The following CSMD1 variants were observed in gnomAD, a reference collection of about 807,000 sequenced individuals.
CSMD1 encodes the protein CUB and Sushi multiple domains 1.
Under a neutral mutation model 417.5 loss-of-function variants are expected in CSMD1, and 213 were observed. That is an observed-to-expected ratio of 0.51 (90% CI 0.46 to 0.57). CSMD1 has a LOEUF of 0.57. Ranked by LOEUF, CSMD1 falls within the 20% of genes least tolerant of loss-of-function variation. The probability of loss-of-function intolerance (pLI) is 0.00; values close to 1 mark genes in which losing one functional copy is unlikely to be tolerated. For synonymous variants in CSMD1, 2,862 were observed against 1,736.8 expected (o/e 1.65, Z -16.11); for missense variants, 6,923 against 4,529.7 (o/e 1.53, Z -15.17).
At chr8:4,169,583 A>G (rs1797649688) in intron 3 of CSMD1, among the ~76,000 whole-genome samples, 1 of 152,060 alleles carries the variant, frequency 6.6e-6, no homozygotes, top group Non-Finnish European at 1.5e-5. Context: ...TTCTCAACAC[A>G]GGCATTAGAA....
chr8:4,327,009 G>C (rs570274125), intron 3 of CSMD1, among the ~76,000 whole-genome samples: 2 of 152,096 alleles, frequency 1.3e-5, no homozygotes, highest in African/African-American at 4.8e-5. Context: ...AAAGAATTGG[G>C]AGAACCAGAC....
intron 2 of CSMD1, among the ~76,000 whole-genome samples, chr8:4,534,557 A>G (rs1031912546): frequency 6.6e-6 from 1 of 152,050 alleles, no homozygotes; most frequent in Non-Finnish European, 1.5e-5. Context: ...ATAGTACCCA[A>G]TAGGTAGTTT....
At chr8:4,211,075 C>G (rs1800279839) in intron 3 of CSMD1, among the ~76,000 whole-genome samples, 2 of 152,276 alleles carry the variant, frequency 1.3e-5, no homozygotes, top group Admixed American at 6.5e-5. Flanking sequence ...TTCATGTTCA[C>G]ATATCATTGT....
At chr8:4,791,441 A>G (rs185637314) in intron 1 of CSMD1, among the ~76,000 whole-genome samples, 5 of 152,302 alleles carry the variant, frequency 3.3e-5, no homozygotes, top group Admixed American at 2.6e-4. Context: ...CCCTTGGTCT[A>G]TAAGGTTTGT....
intron 1 of CSMD1, among the ~76,000 whole-genome samples, chr8:4,789,517 T>A (rs1378978081): frequency 6.6e-6 from 1 of 152,172 alleles, no homozygotes; most frequent in Non-Finnish European, 1.5e-5. Context: ...CTCACCTATA[T>A]AATTTTACTG....
chr8:3,981,373 A>G (rs1053738071), intron 5 of CSMD1, among the ~76,000 whole-genome samples: 9 of 152,144 alleles, frequency 5.9e-5, no homozygotes, highest in African/African-American at 1.7e-4. Flanking sequence ...GAAGGATAAA[A>G]GACAACAAAT....
rs1805073500 is a variant in CSMD1, at chr8:3,865,991, A to T, written c.819-111949T>A. The stretch of plus-strand genomic sequence containing the variant: ...GAAAAGTGAAAGGAATTTCACCATC[A>T]TCTGTAGTCATGTTAGTGAGATAAA... On this transcript the variant is annotated intron_variant, in intron 5 of 69. Coordinates refer to ENST00000635120, the MANE Select transcript of CSMD1 (RefSeq NM_033225.6). Among the ~76,000 whole-genome samples the T allele has an allele frequency of 2.0e-5, 3 of 152,320 alleles. No individual in the cohort carries two copies. The South Asian group carries it at 6.2e-4, about 32-fold the overall frequency.
intron 3 of CSMD1, among the ~76,000 whole-genome samples, chr8:4,327,063 C>G (rs1177476248): frequency 6.6e-6 from 1 of 152,082 alleles, no homozygotes; most frequent in East Asian, 1.9e-4. Context: ...AAGACGACTT[C>G]AAATAAGAGA....
At chr8:4,234,878 C>T (rs1315713797) in intron 3 of CSMD1, among the ~76,000 whole-genome samples, 1 of 152,038 alleles carries the variant, frequency 6.6e-6, no homozygotes, top group East Asian at 1.9e-4. Context: ...AGCTTTTCCT[C>T]GGTGTGTGAA....
Position 4,985,920 on chromosome 8 carries a change from C to G in CSMD1, c.85+8412G>C, listed in dbSNP as rs189009781. 4.9e-4 allele frequency among the ~76,000 whole-genome samples: 75 copies of G among 152,186 alleles called. 2 individuals carry two copies. In the East Asian group the frequency reaches 0.014, roughly 28 times the overall value. On this transcript the variant is annotated intron_variant, in intron 1 of 69. Transcript: ENST00000635120. ...CAAGAATTGCAAGACATTTGGAGTG[C>G]GCAGAAATTGTCTGATGAATTGTTA...
At chr8:4,373,284 A>T (rs7827314) in intron 3 of CSMD1, among the ~76,000 whole-genome samples, 107,631 of 152,088 alleles carry the variant, frequency 0.71, 38,846 homozygotes, top group African/African-American at 0.87. Context: ...AGTGTGATCC[A>T]GGGACAGAAA....
At chr8:3,094,312 C>A (rs1458657826) in intron 47 of CSMD1, among the ~76,000 whole-genome samples, 1 of 151,992 alleles carries the variant, frequency 6.6e-6, no homozygotes, top group African/African-American at 2.4e-5. Context: ...ACCACGCTGG[C>A]CAGGCTGGTC....
chr8:3,640,988 A>G (rs1450720672), intron 7 of CSMD1, among the ~76,000 whole-genome samples: 1 of 147,516 alleles, frequency 6.8e-6, no homozygotes, highest in Non-Finnish European at 1.5e-5. Flanking sequence ...AAAATATACC[A>G]TCATTTTAAA....
At chr8:3,126,223 G>A (rs1657308305) in intron 41 of CSMD1, among the ~76,000 whole-genome samples, 1 of 152,182 alleles carries the variant, frequency 6.6e-6, no homozygotes, top group Non-Finnish European at 1.5e-5. Flanking sequence ...TAAATGGGAT[G>A]CTAAAAGAAA....
At chr8:4,611,540 T>G (rs189709320) in intron 2 of CSMD1, among the ~76,000 whole-genome samples, 1 of 152,178 alleles carries the variant, frequency 6.6e-6, no homozygotes, top group African/African-American at 2.4e-5. Flanking sequence ...GACCCGTATA[T>G]GTATTGCCAA....
intron 4 of CSMD1, among the ~76,000 whole-genome samples, chr8:4,016,368 G>C (rs981947775): frequency 1.3e-5 from 2 of 152,118 alleles, no homozygotes; most frequent in African/African-American, 2.4e-5. Context: ...CCTCTTGCCT[G>C]AATTGGCTTC....
At chr8:4,186,229 C>T (rs1361463239) in intron 3 of CSMD1, among the ~76,000 whole-genome samples, 1 of 152,128 alleles carries the variant, frequency 6.6e-6, no homozygotes, top group East Asian at 1.9e-4. Flanking sequence ...GACGGCCAAA[C>T]TGTGTTGCCA....
chr8:3,831,920 A>G (rs1802400484), intron 5 of CSMD1, among the ~76,000 whole-genome samples: 1 of 151,914 alleles, frequency 6.6e-6, no homozygotes, highest in African/African-American at 2.4e-5. Context: ...CTTTTAAAAT[A>G]CCCCCCAGAG....
chr8:3,357,528 A>C (rs1808872630), intron 21 of CSMD1, among the ~76,000 whole-genome samples: 1 of 152,222 alleles, frequency 6.6e-6, no homozygotes, highest in South Asian at 2.1e-4. Flanking sequence ...ATTTTAGACC[A>C]CAGAGTAAAA....
Sources: allele counts gnomAD v4.1 joint callset (sites outside exome capture counted in the v4.1 genomes callset), GRCh38; gene constraint gnomAD v4.1.1; transcripts MANE v1.5; gene names NCBI Gene and HGNC (gene_info 2026-07-23, HGNC 2026-07-21).